The following PRELID2 variants were observed in gnomAD, a reference collection of about 807,000 sequenced individuals.
PRELID2 encodes the protein PRELI domain-containing protein 2.
Under a neutral mutation model 28.4 loss-of-function variants are expected in PRELID2, and 25 were observed. The ratio of observed to expected loss-of-function variants is 0.88; its 90% CI spans 0.64 to 1.23. The LOEUF (loss-of-function observed/expected upper bound fraction) is 1.23, where lower values mean the gene tolerates loss of function less well. Among genes scored for constraint, PRELID2 ranks in the 50% most tolerant of loss-of-function variants. PRELID2 has a pLI of 0.00. For synonymous variants in PRELID2, 76 were observed against 71.6 expected (o/e 1.06, Z -0.31); for missense variants, 201 against 214.4 (o/e 0.94, Z 0.39).
chr5:145,687,774 C>T (rs1308764519), intron 1 of PRELID2, among the ~76,000 whole-genome samples: 1 of 152,194 alleles, frequency 6.6e-6, no homozygotes, highest in African/African-American at 2.4e-5. Flanking sequence ...CACAAACTAC[C>T]AGTATTTCCT....
At chr5:145,636,659 G>C (rs759448184) in intron 1 of PRELID2, among the ~76,000 whole-genome samples, 1 of 152,174 alleles carries the variant, frequency 6.6e-6, no homozygotes, top group African/African-American at 2.4e-5. Context: ...CCATTAAACA[G>C]CTGTTTCTAT....
intron 1 of PRELID2, among the ~76,000 whole-genome samples, chr5:145,684,015 C>T (rs1455376526): frequency 6.6e-6 from 1 of 152,126 alleles, no homozygotes; most frequent in Non-Finnish European, 1.5e-5. Context: ...AAAACAGTCT[C>T]CAACAAATGT....
chr5:145,370,895 A>T, the PRELID2 span, among the ~76,000 whole-genome samples: 1 of 152,048 alleles, frequency 6.6e-6, no homozygotes, highest in African/African-American at 2.4e-5. Flanking sequence ...ATGGGAATTT[A>T]TTCATGATTT....
At chr5:145,232,391 G>A in the PRELID2 span, among the ~76,000 whole-genome samples, 1 of 152,120 alleles carries the variant, frequency 6.6e-6, no homozygotes. Flanking sequence ...AATAAGTGGG[G>A]AAGTAGGGCT....
the PRELID2 span, among the ~76,000 whole-genome samples, chr5:145,317,225 A>G: frequency 1.4e-3 from 211 of 152,338 alleles, no homozygotes; most frequent in Admixed American, 2.4e-3. Flanking sequence ...ATGTCAGTTC[A>G]GCAACATTTA....
chr5:145,658,362 G>A (rs989705959), intron 1 of PRELID2, among the ~76,000 whole-genome samples: 9 of 152,134 alleles, frequency 5.9e-5, no homozygotes, highest in Non-Finnish European at 1.3e-4. Flanking sequence ...GCACTTAATG[G>A]AGCATGCATT....
chr5:145,817,924 A>G lies in PRELID2; in HGVS notation c.338T>C (p.Val113Ala). The change falls in exon 4 of 7, where the codon GTC becomes GCC. Residue 113 changes from valine (V) to alanine (A), a missense_variant. Coordinates refer to ENST00000683046, the MANE Select transcript of PRELID2 (RefSeq NM_205846.3). ...TQYASMKEESVFRESMENPNW... is the reference protein window; with the variant it reads ...TQYASMKEESAFRESMENPNW... The stretch of plus-strand genomic sequence containing the variant: ...TGGGTTTTCCATACTTTCCCGGAAG[A>G]CAGACTCTTCCTTCATGGATGCATA... 6.4e-7 allele frequency: 1 copy of G among 1,565,212 alleles called. No individual in the cohort carries two copies. The highest frequency in any genetic ancestry group is 1.2e-5 in the South Asian group (1 of 82,832).
At chr5:145,780,223 G>A (rs1043332414) in intron 5 of PRELID2, among the ~76,000 whole-genome samples, 2 of 152,192 alleles carry the variant, frequency 1.3e-5, no homozygotes, top group Non-Finnish European at 2.9e-5. Flanking sequence ...TGAGGCAGGA[G>A]AATCACTTGA....
At chr5:145,784,445 G>C (rs1232051329) in intron 5 of PRELID2, among the ~76,000 whole-genome samples, 1 of 152,118 alleles carries the variant, frequency 6.6e-6, no homozygotes, top group South Asian at 2.1e-4. Context: ...AAGAAGTTAA[G>C]TCTTTCATTC....
chr5:145,673,320 G>A (rs931816946), intron 1 of PRELID2, among the ~76,000 whole-genome samples: 2 of 152,122 alleles, frequency 1.3e-5, no homozygotes, highest in Non-Finnish European at 2.9e-5. Flanking sequence ...TGAGAGAGAG[G>A]AGGGAAGGGA....
At chr5:145,370,547 AG>A in the PRELID2 span, among the ~76,000 whole-genome samples, 9 of 152,240 alleles carry the variant, frequency 5.9e-5, no homozygotes, top group African/African-American at 1.4e-4. Flanking sequence ...GTTTGAAGTC[AG>A]GTAGCATGAT....
At position 145,764,941 on chromosome 5, in the gene PRELID2, T is replaced by C. The variant is rs1206590104; in HGVS notation, c.534A>G (p.Ter178=). ...KEQCGAPLAE[*] ...GCTTTTGGTACTCACTGATGATTCT[T>C]TATTCAGCTAAGGGGGCACCACACT... Residue 178 remains the stop codon, a stop_retained_variant, in exon 6 of 7, where the codon TAA becomes TAG. Coordinates refer to ENST00000683046, the MANE Select transcript of PRELID2 (RefSeq NM_205846.3). The C allele has an allele frequency of 3.1e-6, 5 of 1,611,574 alleles. No homozygotes were observed. Among genetic ancestry groups the C allele is most frequent in the Non-Finnish European group, 4.2e-6 (5 of 1,177,872 alleles).
At chr5:145,777,611 G>A (rs867377793) in intron 5 of PRELID2, among the ~76,000 whole-genome samples, 2 of 152,156 alleles carry the variant, frequency 1.3e-5, no homozygotes, top group African/African-American at 4.8e-5. Flanking sequence ...AGGGAGGCAC[G>A]GCCAGGGCTG....
At chr5:145,612,088 TA>T (rs1284616537) in intron 1 of PRELID2, among the ~76,000 whole-genome samples, 1 of 152,148 alleles carries the variant, frequency 6.6e-6, no homozygotes, top group Non-Finnish European at 1.5e-5. Context: ...CATCCATATG[TA>T]AAAAAATTTG....
intron 1 of PRELID2, among the ~76,000 whole-genome samples, chr5:145,476,085 A>C (rs919514412): frequency 6.6e-6 from 1 of 152,202 alleles, no homozygotes; most frequent in East Asian, 1.9e-4. Flanking sequence ...TGGTTAAAAT[A>C]TAAATTAAGG....
At chr5:145,704,982 TC>T (rs1755506304) in intron 1 of PRELID2, among the ~76,000 whole-genome samples, 2 of 152,060 alleles carry the variant, frequency 1.3e-5, no homozygotes, top group African/African-American at 4.8e-5. Context: ...GCAGGGCAAA[TC>T]CCCTATTTTT....
intron 1 of PRELID2, among the ~76,000 whole-genome samples, chr5:145,642,985 T>C (rs1001902711): frequency 1.3e-5 from 2 of 152,192 alleles, no homozygotes; most frequent in African/African-American, 4.8e-5. Flanking sequence ...CTTAGGATTG[T>C]CTTGGCTATG....
At chr5:145,815,048 G>A (rs187208195) in intron 4 of PRELID2, among the ~76,000 whole-genome samples, 78 of 152,298 alleles carry the variant, frequency 5.1e-4, no homozygotes, top group African/African-American at 1.4e-3. Flanking sequence ...ACAATGGGAT[G>A]GTACTAGGAG....
the PRELID2 span, among the ~76,000 whole-genome samples, chr5:145,303,303 C>A: frequency 6.6e-6 from 1 of 152,136 alleles, no homozygotes; most frequent in African/African-American, 2.4e-5. Flanking sequence ...ATATGGCTAC[C>A]TTAAGTGCAC....
Sources: gnomAD v4.1 joint callset for allele counts (sites outside exome capture counted in the v4.1 genomes callset) on GRCh38, gnomAD v4.1.1 for gene constraint, MANE v1.5 for transcripts, NCBI Gene and HGNC (gene_info 2026-07-23, HGNC 2026-07-21) for gene names.